Variants in DPP6 observed in about 807,000 individuals in gnomAD.
The protein encoded by DPP6 is dipeptidyl peptidase like 6, also known as A-type potassium channel modulatory protein DPP6.
In DPP6, 69 loss-of-function variants were observed where a neutral mutation model predicts 122.6. The ratio of observed to expected loss-of-function variants is 0.56; its 90% CI spans 0.46 to 0.69. The LOEUF (loss-of-function observed/expected upper bound fraction) is 0.69, where lower values mean the gene tolerates loss of function less well. Ranked by LOEUF, DPP6 falls within the 30% of genes least tolerant of loss-of-function variation. DPP6 has a pLI of 0.00. For synonymous variants in DPP6, 418 were observed against 433.1 expected, an observed-to-expected ratio of 0.97 and a Z score of 0.43; for missense variants, 928 against 1,116.9, an observed-to-expected ratio of 0.83 and a Z score of 2.41.
intron 7 of DPP6, among the ~76,000 whole-genome samples, chr7:154,700,832 A>G (rs2131263495): frequency 6.6e-6 from 1 of 152,028 alleles, no homozygotes; most frequent in South Asian, 2.1e-4. Context: ...ATGTGCATCT[A>G]CTTCCCCAGG....
In DPP6 at chr7:154,746,892, G is replaced by T. The variant is rs62475813; in HGVS notation, c.883+19005G>T. 2.6e-5 allele frequency among the ~76,000 whole-genome samples: 4 copies of T among 152,188 alleles called. No individual in the cohort carries two copies. The East Asian group carries it at 7.7e-4, about 29-fold the overall frequency. ...TCCCTAAGAGGATAGAAAATAAGTC[G>T]TTCAAGCTCTTCTCTAACTCAAGTA... On this transcript the variant is annotated intron_variant, in intron 8 of 25. Coordinates refer to ENST00000377770, the MANE Select transcript of DPP6 (RefSeq NM_130797.4).
intron 1 of DPP6, among the ~76,000 whole-genome samples, chr7:154,110,372 C>G (rs1187892744): frequency 6.6e-6 from 1 of 152,280 alleles, no homozygotes; most frequent in Admixed American, 6.5e-5. Context: ...ACAGAAAACA[C>G]TATGACTGAA....
chr7:154,372,071 C>A (rs1464697578), intron 1 of DPP6, among the ~76,000 whole-genome samples: 1 of 151,876 alleles, frequency 6.6e-6, no homozygotes, highest in African/African-American at 2.4e-5. Context: ...ATGAGACCAC[C>A]CCCCGGGGAG....
chr7:153,785,035 A>G, the DPP6 span, among the ~76,000 whole-genome samples: 5 of 152,292 alleles, frequency 3.3e-5, no homozygotes, highest in Non-Finnish European at 5.9e-5. Flanking sequence ...TAACAAATCC[A>G]CAGTAATCAA....
In DPP6 at chr7:154,682,399, A is replaced by T. The variant is rs562991048; in HGVS notation, c.762+12958A>T. 2.6e-5 allele frequency among the ~76,000 whole-genome samples: 4 copies of T among 152,330 alleles called. No homozygotes were observed. In the East Asian group the frequency reaches 7.7e-4, roughly 29 times the overall value. On this transcript the variant is annotated intron_variant, in intron 7 of 25. Transcript: ENST00000377770. ...GCGCCTCACTTCTTGTCCCACTAGG[A>T]CACCGAGGTGATCGTCTCCGCAGTG...
At chr7:153,945,155 A>G (rs999825052) in intron 1 of DPP6, among the ~76,000 whole-genome samples, 4 of 152,156 alleles carry the variant, frequency 2.6e-5, no homozygotes, top group African/African-American at 9.7e-5. Flanking sequence ...TGGTGCCAAC[A>G]ACTGCTGCTC....
At chr7:153,959,179 G>C (rs1439171673) in intron 1 of DPP6, among the ~76,000 whole-genome samples, 1 of 150,848 alleles carries the variant, frequency 6.6e-6, no homozygotes, top group Non-Finnish European at 1.5e-5. Flanking sequence ...TTTTTTTTCT[G>C]TTGTATAAAT....
chr7:154,788,406 T>G (rs1797466295), intron 10 of DPP6, among the ~76,000 whole-genome samples: 2 of 150,608 alleles, frequency 1.3e-5, no homozygotes, highest in South Asian at 2.1e-4. Flanking sequence ...ATCGTGCCAC[T>G]GCACTCTAGC....
chr7:154,479,798 T>C (rs1344399144), intron 3 of DPP6, among the ~76,000 whole-genome samples: 1 of 152,108 alleles, frequency 6.6e-6, no homozygotes, highest in East Asian at 1.9e-4. Flanking sequence ...TTACTCTTTG[T>C]TTACATGGAC....
chr7:154,706,472 G>A (rs1432649968), intron 7 of DPP6, among the ~76,000 whole-genome samples: 1 of 152,138 alleles, frequency 6.6e-6, no homozygotes, highest in East Asian at 1.9e-4. Flanking sequence ...ATGTCAGGAT[G>A]CCTGGCCAGG....
chr7:154,043,299 A>G (rs1799855002), intron 1 of DPP6, among the ~76,000 whole-genome samples: 1 of 149,210 alleles, frequency 6.7e-6, no homozygotes, highest in South Asian at 2.2e-4. Context: ...AGTCTGAGGC[A>G]GGAGAATCAC....
chr7:153,749,125 G>A, the DPP6 span, among the ~76,000 whole-genome samples: 50 of 152,222 alleles, frequency 3.3e-4, 2 homozygotes, highest in East Asian at 9.2e-3. The surrounding 1 kb of genome is among the most constrained non-coding windows in gnomAD (Gnocchi z 4.1). Flanking sequence ...AGCAGCCGCT[G>A]GTGCGTCTGC....
intron 7 of DPP6, among the ~76,000 whole-genome samples, chr7:154,694,144 A>G (rs1840082789): frequency 6.6e-6 from 1 of 152,144 alleles, no homozygotes; most frequent in South Asian, 2.1e-4. Flanking sequence ...GGAAGGGACA[A>G]GGGACCCCTC....
chr7:154,795,806 A>C, intron 11 of DPP6, 39 bp from the exon 12 acceptor site: 1 of 1,485,172 alleles, frequency 6.7e-7, no homozygotes, highest in Non-Finnish European at 9.0e-7. Context: ...AGAAAAGAAA[A>C]GAAAAACCCT....
chr7:154,205,769 TAAAAAA>T (rs35151924), intron 1 of DPP6, among the ~76,000 whole-genome samples: 2 of 150,294 alleles, frequency 1.3e-5, no homozygotes, highest in African/African-American at 4.9e-5. Context: ...CTAGAATTGT[TAAAAAA>T]AAAAAAAAAT....
chr7:154,235,306 C>T (rs1408535184), intron 1 of DPP6, among the ~76,000 whole-genome samples: 1 of 152,116 alleles, frequency 6.6e-6, no homozygotes, highest in Non-Finnish European at 1.5e-5. Flanking sequence ...CTTCCCTGAG[C>T]GTCATGTTTT....
At chr7:154,109,666 G>A (rs1806428850) in intron 1 of DPP6, among the ~76,000 whole-genome samples, 1 of 152,118 alleles carries the variant, frequency 6.6e-6, no homozygotes, top group Non-Finnish European at 1.5e-5. Context: ...TATTGATGAT[G>A]TGTGCATTTT....
At chr7:154,113,456 A>G (rs1374263358) in intron 1 of DPP6, among the ~76,000 whole-genome samples, 11 of 151,982 alleles carry the variant, frequency 7.2e-5, no homozygotes, top group Admixed American at 7.2e-4. Context: ...ACACCTACAT[A>G]CATATAGATA....
intron 1 of DPP6, among the ~76,000 whole-genome samples, chr7:153,986,558 A>T (rs761221711): frequency 6.6e-6 from 1 of 152,188 alleles, no homozygotes; most frequent in Non-Finnish European, 1.5e-5. Flanking sequence ...GATGCATGCA[A>T]GTAGGGACCA....
Sources: allele counts gnomAD v4.1 joint callset (sites outside exome capture counted in the v4.1 genomes callset), GRCh38; gene constraint gnomAD v4.1.1; non-coding constraint Gnocchi (gnomAD v3.1); transcripts MANE v1.5; gene names NCBI Gene and HGNC (gene_info 2026-07-23, HGNC 2026-07-21).